The following RUNX1T1 variants were observed in gnomAD, a reference collection of about 807,000 sequenced individuals.
The protein encoded by RUNX1T1 is protein CBFA2T1.
RUNX1T1 carries 4 observed loss-of-function variants against 62.8 expected under a neutral mutation model. That is an observed-to-expected ratio of 0.06 (90% CI 0.03 to 0.15). The LOEUF is 0.15. RUNX1T1 is among the 10% of genes least tolerant of loss of function. The probability of loss-of-function intolerance (pLI) is 1.00; values close to 1 mark genes in which losing one functional copy is unlikely to be tolerated. For missense variants in RUNX1T1, 508 were observed against 754.3 expected (o/e 0.67, Z 3.82); for synonymous variants, 291 against 286.0 (o/e 1.02, Z -0.18).
chr8:91,956,903 G>A (rs930351346), downstream of RUNX1T1: 6 of 179,708 alleles, frequency 3.3e-5, no homozygotes, highest in East Asian at 9.2e-5. Flanking sequence ...TATTCCAGAC[G>A]TAGGCATGCT....
intron 1 of RUNX1T1, among the ~76,000 whole-genome samples, chr8:92,057,699 A>G (rs1447997651): frequency 2.0e-5 from 3 of 152,176 alleles, no homozygotes; most frequent in African/African-American, 7.2e-5. Flanking sequence ...AATATTAATT[A>G]ATGCAAACAG....
Position 92,016,017 on chromosome 8 carries a change from A to G in RUNX1T1, c.146-1197T>C, listed in dbSNP as rs554535072. ...TTTAAATGGCAGTGCAACACTGCAT[A>G]AACAGCCTGAGATGCGTACTTTGCT... On this transcript the variant is annotated intron_variant, in intron 2 of 10. Transcript: ENST00000396218. 5.3e-5 allele frequency among the ~76,000 whole-genome samples: 8 copies of G among 152,324 alleles called. No individual in the cohort carries two copies. The South Asian group carries it at 1.4e-3, about 28-fold the overall frequency.
chr8:92,063,839 G>C (rs1216026635), upstream of RUNX1T1, among the ~76,000 whole-genome samples: 4 of 152,070 alleles, frequency 2.6e-5, no homozygotes, highest in African/African-American at 9.7e-5. Flanking sequence ...GCTGCCTCAG[G>C]CTTTACCTTT....
intron 1 of RUNX1T1, among the ~76,000 whole-genome samples, chr8:92,023,266 A>G (rs535914510): frequency 7.6e-4 from 115 of 152,286 alleles, no homozygotes; most frequent in African/African-American, 2.6e-3. Flanking sequence ...AATTAAGCAT[A>G]TTAGGTTGTA....
intron 1 of RUNX1T1, among the ~76,000 whole-genome samples, chr8:92,078,502 C>T (rs1373452934): frequency 1.3e-5 from 2 of 152,020 alleles, no homozygotes; most frequent in Admixed American, 1.3e-4. Context: ...AGTTTAAAAG[C>T]TAAGCTCCAC....
At chr8:91,998,327 C>T (rs1368024468) in intron 5 of RUNX1T1, among the ~76,000 whole-genome samples, 1 of 152,158 alleles carries the variant, frequency 6.6e-6, no homozygotes, top group East Asian at 1.9e-4. Context: ...CTCTGTTTTG[C>T]TATCACTCTA....
intron 1 of RUNX1T1, among the ~76,000 whole-genome samples, chr8:92,060,013 A>G (rs1219674769): frequency 6.6e-6 from 1 of 152,174 alleles, no homozygotes; most frequent in African/African-American, 2.4e-5. Flanking sequence ...GTAGGTCAAC[A>G]TATGTTCTTT....
chr8:91,994,527 G>C, intron 5 of RUNX1T1: 2 of 482,654 alleles, frequency 4.1e-6, no homozygotes, highest in South Asian at 1.6e-5. Context: ...CACTGGACTG[G>C]GAATCAAGAG....
At chr8:92,007,967 CAAAAAAAAAAA>C (rs34232877) in intron 4 of RUNX1T1, among the ~76,000 whole-genome samples, 1 of 85,402 alleles carries the variant, frequency 1.2e-5, no homozygotes, top group Non-Finnish European at 2.5e-5. Flanking sequence ...GACTTTGTTT[CAAAAAAAAAAA>C]AAAAAAAAAG....
intron 1 of RUNX1T1, among the ~76,000 whole-genome samples, chr8:92,061,360 G>A (rs1046007528): frequency 6.6e-6 from 1 of 151,972 alleles, no homozygotes; most frequent in Non-Finnish European, 1.5e-5. Context: ...ATATACCCAG[G>A]GCACATTACA....
At chr8:92,085,956 TG>T (rs1836043903) in intron 1 of RUNX1T1, among the ~76,000 whole-genome samples, 1 of 152,242 alleles carries the variant, frequency 6.6e-6, no homozygotes, top group Non-Finnish European at 1.5e-5. Context: ...ATCTGTTAAT[TG>T]TAAAATGGAT....
chr8:92,016,719 C>T (rs921460759), intron 2 of RUNX1T1, among the ~76,000 whole-genome samples: 1 of 152,150 alleles, frequency 6.6e-6, no homozygotes, highest in Non-Finnish European at 1.5e-5. Flanking sequence ...CTTCTCACTT[C>T]AGAAAGTTTT....
chr8:91,957,432 CAGG>C (rs1398942317), downstream of RUNX1T1: 2 of 230,594 alleles, frequency 8.7e-6, no homozygotes, highest in Non-Finnish European at 1.7e-5. Flanking sequence ...TGTAGCAAAA[CAGG>C]AGGAGAGGAA....
upstream of RUNX1T1, among the ~76,000 whole-genome samples, chr8:92,064,122 C>T (rs763591201): frequency 6.6e-6 from 1 of 152,162 alleles, no homozygotes; most frequent in African/African-American, 2.4e-5. Context: ...TACACCTCTT[C>T]CCAAGAGTGC....
chr8:92,102,827 C>G, upstream of RUNX1T1: 1 of 1,498,284 alleles, frequency 6.7e-7, no homozygotes, highest in Non-Finnish European at 8.8e-7. The surrounding 1 kb of genome is among the most constrained non-coding windows in gnomAD (Gnocchi z 4.5). Context: ...GCCGCCCGCC[C>G]GCCGGCCAAG....
At chr8:91,980,662 T>A (rs1815021036) in intron 8 of RUNX1T1, among the ~76,000 whole-genome samples, 1 of 152,284 alleles carries the variant, frequency 6.6e-6, no homozygotes, top group Admixed American at 6.5e-5. Context: ...TTTGATTTTA[T>A]GTTTTAAATT....
chr8:92,034,088 G>T (rs938712848), intron 1 of RUNX1T1, among the ~76,000 whole-genome samples: 1 of 152,076 alleles, frequency 6.6e-6, no homozygotes, highest in African/African-American at 2.4e-5. Flanking sequence ...TTAAAGAGGC[G>T]GAGTTATCTA....
At chr8:91,978,925 C>T (rs1814579095) in intron 8 of RUNX1T1, among the ~76,000 whole-genome samples, 1 of 152,158 alleles carries the variant, frequency 6.6e-6, no homozygotes, top group Non-Finnish European at 1.5e-5. Flanking sequence ...GACATAGAAA[C>T]CCAATAGAAA....
At chr8:92,060,541 A>G (rs1478851367) in intron 1 of RUNX1T1, among the ~76,000 whole-genome samples, 90 of 109,372 alleles carry the variant, frequency 8.2e-4, no homozygotes, top group African/African-American at 2.5e-3. Context: ...ATATATATAT[A>G]TATATATATA....
Sources: gnomAD v4.1 joint callset for allele counts (sites outside exome capture counted in the v4.1 genomes callset) on GRCh38, gnomAD v4.1.1 for gene constraint, Gnocchi (gnomAD v3.1) non-coding constraint, MANE v1.5 for transcripts, NCBI Gene and HGNC (gene_info 2026-07-23, HGNC 2026-07-21) for gene names.